Variants in TASP1 observed in about 807,000 individuals in gnomAD.
TASP1 encodes the protein threonine aspartase 1.
In TASP1, 16 loss-of-function variants were observed where a neutral mutation model predicts 56.6. That is an observed-to-expected ratio of 0.28 (90% CI 0.19 to 0.43). The LOEUF (loss-of-function observed/expected upper bound fraction) is 0.43, where lower values mean the gene tolerates loss of function less well. Ranked by LOEUF, TASP1 falls within the 20% of genes least tolerant of loss-of-function variation. TASP1 has a pLI of 1.00. For synonymous variants in TASP1, 179 were observed against 184.2 expected (o/e 0.97, Z 0.23); for missense variants, 393 against 511.6 (o/e 0.77, Z 2.24).
chr20:13,277,669 T>C, the TASP1 span, among the ~76,000 whole-genome samples: 14,233 of 151,356 alleles, frequency 0.094, 756 homozygotes, highest in Middle Eastern at 0.17. Flanking sequence ...CTTTTGGGAT[T>C]ACTGAAAAGC....
At chr20:13,144,540 A>G in the TASP1 span, among the ~76,000 whole-genome samples, 1 of 152,212 alleles carries the variant, frequency 6.6e-6, no homozygotes, top group African/African-American at 2.4e-5. Flanking sequence ...AAATCTATTG[A>G]CTGAGGACAA....
the TASP1 span, among the ~76,000 whole-genome samples, chr20:13,355,558 A>G: frequency 6.6e-6 from 1 of 152,182 alleles, no homozygotes; most frequent in African/African-American, 2.4e-5. Context: ...TGAGATGTTT[A>G]TTTTCCATGG....
At chr20:13,169,692 G>C in the TASP1 span, among the ~76,000 whole-genome samples, 877 of 152,188 alleles carry the variant, frequency 5.8e-3, 8 homozygotes, top group African/African-American at 0.02. Flanking sequence ...TTTTTTTAAA[G>C]TTTTATATCA....
At chr20:13,281,825 A>G in the TASP1 span, among the ~76,000 whole-genome samples, 1 of 152,348 alleles carries the variant, frequency 6.6e-6, no homozygotes, top group East Asian at 1.9e-4. Flanking sequence ...CAGCCCACAC[A>G]GAACGTTGTT....
chr20:13,337,366 T>C, the TASP1 span, among the ~76,000 whole-genome samples: 9 of 152,168 alleles, frequency 5.9e-5, no homozygotes, highest in Admixed American at 1.3e-4. Flanking sequence ...ACCTTGCCCT[T>C]TGAAGTAAGC....
chr20:13,488,429 A>G (rs904599493), intron 10 of TASP1, among the ~76,000 whole-genome samples: 1 of 152,206 alleles, frequency 6.6e-6, no homozygotes, highest in Non-Finnish European at 1.5e-5. Flanking sequence ...GGCAAAAAAA[A>G]CAAGCAAACA....
At chr20:13,183,946 G>A in the TASP1 span, among the ~76,000 whole-genome samples, 1 of 151,010 alleles carries the variant, frequency 6.6e-6, no homozygotes, top group African/African-American at 2.4e-5. Context: ...GGAGAATGGT[G>A]TGAACCCAGG....
chr20:13,600,626 G>C (rs1568634625), intron 4 of TASP1: 1 of 151,706 alleles, frequency 6.6e-6, no homozygotes, highest in Non-Finnish European at 1.5e-5. Flanking sequence ...CACTGTAAAA[G>C]AAAAAACAGG....
chr20:13,156,111 G>A, the TASP1 span, among the ~76,000 whole-genome samples: 1 of 152,062 alleles, frequency 6.6e-6, no homozygotes, highest in African/African-American at 2.4e-5. Flanking sequence ...AAATGATTGG[G>A]GAAATGATGT....
the TASP1 span, among the ~76,000 whole-genome samples, chr20:13,321,143 C>T: frequency 1.3e-4 from 20 of 150,600 alleles, no homozygotes; most frequent in Non-Finnish European, 2.2e-4. Context: ...TGAAGGTTTC[C>T]GTGAGCTGAG....
chr20:13,309,045 T>C, the TASP1 span, among the ~76,000 whole-genome samples: 3 of 152,242 alleles, frequency 2.0e-5, no homozygotes, highest in Non-Finnish European at 2.9e-5. Context: ...ACTCAGTCTA[T>C]GGTAGTTTGT....
At chr20:13,625,423 G>T (rs1449121647) in intron 2 of TASP1, among the ~76,000 whole-genome samples, 171 bp from the exon 3 acceptor site, 1 of 152,104 alleles carries the variant, frequency 6.6e-6, no homozygotes, top group Non-Finnish European at 1.5e-5. Flanking sequence ...TTAATACCAT[G>T]CCTTATCTCC....
At chr20:13,261,876 C>G in the TASP1 span, among the ~76,000 whole-genome samples, 1 of 152,188 alleles carries the variant, frequency 6.6e-6, no homozygotes, top group Middle Eastern at 3.2e-3. Flanking sequence ...GGCTTAATTT[C>G]CAGGTTCTCC....
the TASP1 span, among the ~76,000 whole-genome samples, chr20:13,346,293 T>A: frequency 6.6e-6 from 1 of 152,156 alleles, no homozygotes; most frequent in Non-Finnish European, 1.5e-5. Flanking sequence ...AAGTATCTCC[T>A]CCTCCTGGGG....
intron 5 of TASP1, among the ~76,000 whole-genome samples, chr20:13,585,875 C>T (rs2047283919): frequency 6.6e-6 from 1 of 152,126 alleles, no homozygotes; most frequent in Non-Finnish European, 1.5e-5. Context: ...TGGCTCACGC[C>T]TATAATCTCA....
intron 10 of TASP1, among the ~76,000 whole-genome samples, chr20:13,503,108 A>G (rs1466829126): frequency 6.6e-6 from 1 of 152,052 alleles, no homozygotes; most frequent in African/African-American, 2.4e-5. Context: ...TAAGTAGTTG[A>G]GGAGGTTAGG....
chr20:13,443,982 G>A (rs1397562327), intron 11 of TASP1, among the ~76,000 whole-genome samples: 2 of 152,156 alleles, frequency 1.3e-5, no homozygotes, highest in African/African-American at 2.4e-5. Context: ...AAGAGCCAAG[G>A]AACCAGGAAA....
At chr20:13,139,715 G>C in the TASP1 span, among the ~76,000 whole-genome samples, 2 of 152,194 alleles carry the variant, frequency 1.3e-5, no homozygotes, top group Admixed American at 6.5e-5. Context: ...TGGTGAGTAA[G>C]AACCAGACTT....
intron 4 of TASP1, among the ~76,000 whole-genome samples, chr20:13,590,703 T>C (rs1337487819): frequency 1.3e-5 from 2 of 151,696 alleles, no homozygotes; most frequent in African/African-American, 2.4e-5. Context: ...CCATCTCTAC[T>C]AAAAATACAA....
Sources: gnomAD v4.1 joint callset for allele counts (sites outside exome capture counted in the v4.1 genomes callset) on GRCh38, gnomAD v4.1.1 for gene constraint, MANE v1.5 for transcripts, NCBI Gene and HGNC (gene_info 2026-07-23, HGNC 2026-07-21) for gene names.